EPHA6: variants seen among roughly 807,000 people sequenced by gnomAD.
EPHA6 encodes ephrin type-A receptor 6.
Under a neutral mutation model 112.0 loss-of-function variants are expected in EPHA6, and 50 were observed. The observed-to-expected ratio is 0.45, with a 90% CI of 0.36 to 0.56. The LOEUF (loss-of-function observed/expected upper bound fraction) is 0.56. Among genes scored for constraint, EPHA6 ranks in the 20% least tolerant of loss-of-function variants. The pLI is 0.00. For synonymous variants in EPHA6, 529 were observed against 490.7 expected (o/e 1.08, Z -1.03); for missense variants, 1,280 against 1,417.4 (o/e 0.90, Z 1.56).
chr3:96,849,523 G>A (rs912514219), intron 1 of EPHA6, among the ~76,000 whole-genome samples: 1 of 152,034 alleles, frequency 6.6e-6, no homozygotes, highest in Non-Finnish European at 1.5e-5. Context: ...TCCTTCAGTG[G>A]GAAACCAGGA....
chr3:97,229,106 G>C (rs1361134894), intron 4 of EPHA6, among the ~76,000 whole-genome samples: 1 of 151,904 alleles, frequency 6.6e-6, no homozygotes, highest in Non-Finnish European at 1.5e-5. Flanking sequence ...TGAGTTCCTT[G>C]CAGATTGAGT....
chr3:97,426,954 A>G (rs966564596), intron 6 of EPHA6, among the ~76,000 whole-genome samples: 3 of 152,210 alleles, frequency 2.0e-5, no homozygotes, highest in Non-Finnish European at 1.5e-5. Flanking sequence ...ATCATCACTA[A>G]TCTTTGGGAG....
intron 12 of EPHA6, among the ~76,000 whole-genome samples, chr3:97,596,163 C>T (rs1004177399): frequency 1.3e-5 from 2 of 152,022 alleles, no homozygotes; most frequent in African/African-American, 4.8e-5. Flanking sequence ...CCTCTGCCTC[C>T]CAAAGTGCTG....
intron 3 of EPHA6, among the ~76,000 whole-genome samples, chr3:97,203,351 G>C (rs2077629091): frequency 1.3e-5 from 2 of 152,094 alleles, no homozygotes; most frequent in South Asian, 2.1e-4. Context: ...TTAGGGGTTA[G>C]AGCCACAGGA....
At chr3:96,819,610 T>A (rs1328093078) in intron 1 of EPHA6, among the ~76,000 whole-genome samples, 1 of 152,114 alleles carries the variant, frequency 6.6e-6, no homozygotes, top group African/African-American at 2.4e-5. Context: ...ACAAACATGC[T>A]GGAAATCAAT....
intron 3 of EPHA6, among the ~76,000 whole-genome samples, chr3:97,142,211 TGATAATTCA>T (rs2075925811): frequency 6.6e-6 from 1 of 152,058 alleles, no homozygotes; most frequent in Admixed American, 6.6e-5. Context: ...TAGACAATTC[TGATAATTCA>T]GATGATTCTG....
intron 3 of EPHA6, among the ~76,000 whole-genome samples, chr3:97,116,468 A>G (rs948438626): frequency 1.3e-5 from 2 of 151,686 alleles, no homozygotes; most frequent in Non-Finnish European, 3.0e-5. Context: ...ATTCATCCTA[A>G]CAAAAACTTT....
chr3:97,200,061 G>A (rs2077541437), intron 3 of EPHA6, among the ~76,000 whole-genome samples: 2 of 152,164 alleles, frequency 1.3e-5, no homozygotes, highest in Admixed American at 6.6e-5. Flanking sequence ...TGCAGAAAAT[G>A]TTTTGGGAAC....
At chr3:97,046,452 C>A (rs2045510534) in intron 3 of EPHA6, among the ~76,000 whole-genome samples, 1 of 152,120 alleles carries the variant, frequency 6.6e-6, no homozygotes, top group Non-Finnish European at 1.5e-5. Flanking sequence ...AAAAAACATA[C>A]TTCATTGTGA....
intron 14 of EPHA6, among the ~76,000 whole-genome samples, chr3:97,668,871 C>T (rs186739794): frequency 1.6e-5 from 2 of 121,650 alleles, no homozygotes; most frequent in African/African-American, 3.2e-5. Flanking sequence ...CAGATGGTGC[C>T]ACTGCACTCC....
rs1231465532 is a variant in EPHA6, at chr3:97,749,330, A to G, written c.*629A>G. 4.7e-6 allele frequency: 1 copy of G among 213,758 alleles called. No individual in the cohort carries two copies. Among genetic ancestry groups the G allele is most frequent in the African/African-American group, 2.3e-5 (1 of 44,250 alleles). The allele number at this position is 213,758 out of a possible 1,614,324, so 13.2% of individuals were successfully genotyped here. On this transcript the variant is annotated 3_prime_UTR_variant, in exon 18 of 18. Coordinates refer to ENST00000389672, the MANE Select transcript of EPHA6 (RefSeq NM_001080448.3). Reference sequence around the variant, plus strand: ...GGAGGGAGAAAAAAATACTGTGTTTATAAATCTTCTGAGGCTGGGTTTGTC... The same window carrying G: ...GGAGGGAGAAAAAAATACTGTGTTTGTAAATCTTCTGAGGCTGGGTTTGTC...
chr3:97,284,477 G>A (rs1037473472), intron 5 of EPHA6, among the ~76,000 whole-genome samples: 6 of 151,978 alleles, frequency 3.9e-5, no homozygotes, highest in Non-Finnish European at 5.9e-5. Flanking sequence ...CTGTGAGTCC[G>A]AGTTTGTGTC....
chr3:97,134,508 G>A (rs957800240), intron 3 of EPHA6, among the ~76,000 whole-genome samples: 5 of 152,058 alleles, frequency 3.3e-5, no homozygotes, highest in African/African-American at 1.2e-4. Context: ...AAGAGTCATC[G>A]ATTCTGAAAT....
At chr3:97,551,670 T>C (rs906328098) in intron 11 of EPHA6, among the ~76,000 whole-genome samples, 3 of 152,206 alleles carry the variant, frequency 2.0e-5, no homozygotes, top group Admixed American at 6.6e-5. Flanking sequence ...AGCACCTCTG[T>C]GACTTTGTCA....
intron 14 of EPHA6, among the ~76,000 whole-genome samples, chr3:97,643,094 C>T (rs1381978816): frequency 1.3e-5 from 2 of 152,150 alleles, no homozygotes; most frequent in African/African-American, 2.4e-5. Context: ...GTGGATCTCT[C>T]GGCAGAAACC....
chr3:96,912,278 C>T (rs140566851), intron 2 of EPHA6, among the ~76,000 whole-genome samples: 2 of 152,196 alleles, frequency 1.3e-5, no homozygotes, highest in African/African-American at 4.8e-5. Flanking sequence ...AAAGTCCTGT[C>T]ATGTTGAAGT....
intron 5 of EPHA6, among the ~76,000 whole-genome samples, chr3:97,329,684 T>C (rs1228649459): frequency 6.6e-6 from 1 of 152,142 alleles, no homozygotes; most frequent in Non-Finnish European, 1.5e-5. Flanking sequence ...TTCTTGTAAA[T>C]TTGTTTGAGT....
intron 3 of EPHA6, among the ~76,000 whole-genome samples, chr3:97,061,707 A>T (rs1342725425): frequency 6.6e-6 from 1 of 152,188 alleles, no homozygotes; most frequent in African/African-American, 2.4e-5. Context: ...CACTTAAACA[A>T]TGATGCCCTG....
intron 3 of EPHA6, among the ~76,000 whole-genome samples, chr3:97,202,413 A>G (rs1349532147): frequency 6.6e-6 from 1 of 151,270 alleles, no homozygotes; most frequent in African/African-American, 2.4e-5. Flanking sequence ...TACAGGCACC[A>G]TCTTGGCTCA....
Sources: allele counts gnomAD v4.1 joint callset (sites outside exome capture counted in the v4.1 genomes callset), GRCh38; gene constraint gnomAD v4.1.1; transcripts MANE v1.5; gene names NCBI Gene and HGNC (gene_info 2026-07-23, HGNC 2026-07-21).